Variants in MYO3B observed in about 807,000 individuals in gnomAD.
MYO3B encodes myosin IIIB.
A neutral mutation model predicts 174.6 loss-of-function variants in MYO3B; 156 were observed. That is an observed-to-expected ratio of 0.89 (90% confidence interval 0.78 to 1.02). The LOEUF (loss-of-function observed/expected upper bound fraction) is 1.02, where lower values mean the gene tolerates loss of function less well. Among genes scored for constraint, MYO3B ranks in the 50% least tolerant of loss-of-function variants. The probability of loss-of-function intolerance (pLI) is 0.00; values close to 1 mark genes in which losing one functional copy is unlikely to be tolerated. For synonymous variants in MYO3B, 563 were observed against 569.1 expected (o/e 0.99, Z 0.15); for missense variants, 1,632 against 1,639.4 (o/e 1.00, Z 0.08).
At chr2:170,242,399 C>T (rs2093144015) in intron 7 of MYO3B, among the ~76,000 whole-genome samples, 2 of 152,122 alleles carry the variant, frequency 1.3e-5, no homozygotes, top group Non-Finnish European at 2.9e-5. Flanking sequence ...ATCTTCTGGG[C>T]CCAGGACTTG....
chr2:170,234,127 C>T (rs1372975755), intron 6 of MYO3B, among the ~76,000 whole-genome samples: 3 of 129,552 alleles, frequency 2.3e-5, no homozygotes, highest in Admixed American at 9.3e-5. Flanking sequence ...GCCGAGATCC[C>T]GCCACTGCAC....
At chr2:170,405,083 A>AAGATCG (rs1558968905) in intron 20 of MYO3B, among the ~76,000 whole-genome samples, 3 of 152,196 alleles carry the variant, frequency 2.0e-5, no homozygotes, top group East Asian at 1.9e-4. Context: ...CCACAATAGC[A>AAGATCG]AAGATCGTGT....
chr2:170,538,584 C>T (rs959386552), intron 30 of MYO3B, among the ~76,000 whole-genome samples: 14 of 152,210 alleles, frequency 9.2e-5, no homozygotes, highest in Non-Finnish European at 1.5e-4. Flanking sequence ...CACCTTGCCC[C>T]TCATCCACTC....
At chr2:170,284,050 C>G (rs1009351170) in intron 7 of MYO3B, among the ~76,000 whole-genome samples, 9 of 152,184 alleles carry the variant, frequency 5.9e-5, no homozygotes, top group African/African-American at 2.2e-4. Flanking sequence ...AAGTAGAACT[C>G]CATGGAACAA....
intron 8 of MYO3B, among the ~76,000 whole-genome samples, chr2:170,360,859 C>G (rs1262867133): frequency 6.6e-6 from 1 of 152,208 alleles, no homozygotes; most frequent in Non-Finnish European, 1.5e-5. Flanking sequence ...GAGAGCAGCC[C>G]TCACCAGACA....
Position 170,288,351 on chromosome 2 carries a change from C to T in MYO3B, c.750-47034C>T, listed in dbSNP as rs183634666. Among the ~76,000 whole-genome samples the T allele has an allele frequency of 2.0e-3, 309 of 151,996 alleles. 2 individuals carry two copies. Among genetic ancestry groups the T allele is most frequent in the African/African-American group, 7.4e-3 (305 of 41,492 alleles). On this transcript the variant is annotated intron_variant, in intron 7 of 34. Coordinates refer to ENST00000408978, the MANE Select transcript of MYO3B (RefSeq NM_138995.5). ...TTTGACAATATTAATTATTCCAATC[C>T]ATGAGCAGGGAGTATCTTTCCATGT...
chr2:170,308,139 C>G (rs2093713215), intron 7 of MYO3B, among the ~76,000 whole-genome samples: 1 of 152,154 alleles, frequency 6.6e-6, no homozygotes, highest in Non-Finnish European at 1.5e-5. Context: ...TGATCTATTT[C>G]CAGCCTTTTG....
At chr2:170,456,334 T>TG (rs745478437) in intron 23 of MYO3B, among the ~76,000 whole-genome samples, 42 of 152,292 alleles carry the variant, frequency 2.8e-4, no homozygotes, top group Admixed American at 6.5e-4. Context: ...GTTTAGTTAA[T>TG]GAAAAACTCA....
At chr2:170,318,868 G>A (rs1049098775) in intron 7 of MYO3B, among the ~76,000 whole-genome samples, 5 of 152,154 alleles carry the variant, frequency 3.3e-5, no homozygotes, top group Non-Finnish European at 7.4e-5. Context: ...CTTAGTATTA[G>A]CCCTAGTGGT....
intron 7 of MYO3B, among the ~76,000 whole-genome samples, chr2:170,302,961 A>T (rs1199557809): frequency 3.9e-5 from 6 of 152,150 alleles, no homozygotes; most frequent in Non-Finnish European, 5.9e-5. Context: ...TTTATTGAGC[A>T]GTTATCTTTT....
chr2:170,600,503 T>C (rs777162879), intron 32 of MYO3B, among the ~76,000 whole-genome samples: 13 of 152,194 alleles, frequency 8.5e-5, no homozygotes, highest in Non-Finnish European at 1.8e-4. Flanking sequence ...CTTGGATTTA[T>C]AAAGGGGCAA....
intron 32 of MYO3B, among the ~76,000 whole-genome samples, chr2:170,589,962 A>G (rs1409420828): frequency 1.3e-5 from 2 of 152,206 alleles, no homozygotes; most frequent in Non-Finnish European, 2.9e-5. Context: ...ATACACAAAT[A>G]CCATCGTATT....
intron 22 of MYO3B, among the ~76,000 whole-genome samples, chr2:170,428,545 T>G (rs2094683719): frequency 6.6e-6 from 1 of 152,238 alleles, no homozygotes; most frequent in Admixed American, 6.5e-5. Context: ...GTTGTTGATT[T>G]TTGAACAATA....
chr2:170,541,692 A>G (rs1690116969), intron 30 of MYO3B, among the ~76,000 whole-genome samples: 1 of 152,174 alleles, frequency 6.6e-6, no homozygotes, highest in Admixed American at 6.5e-5. Context: ...TTATTTATTC[A>G]AATGGTCAAT....
intron 16 of MYO3B, 105 bp from the exon 17 acceptor site, chr2:170,400,083 G>C: frequency 6.9e-7 from 1 of 1,444,398 alleles, no homozygotes; most frequent in Non-Finnish European, 9.5e-7. Flanking sequence ...GGAAAAGAGG[G>C]AGAATGGACT....
intron 1 of MYO3B, among the ~76,000 whole-genome samples, chr2:170,194,821 G>A (rs918632656): frequency 2.0e-5 from 3 of 152,200 alleles, no homozygotes; most frequent in Non-Finnish European, 4.4e-5. Context: ...AAGTAGGGAA[G>A]CTGACAGTGC....
intron 30 of MYO3B, among the ~76,000 whole-genome samples, chr2:170,529,119 T>G (rs1043318957): frequency 1.3e-5 from 2 of 152,212 alleles, no homozygotes; most frequent in Non-Finnish European, 1.5e-5. Context: ...TTTAGCATGA[T>G]AATGCCTCTA....
At chr2:170,226,286 C>T (rs2092951148) in intron 6 of MYO3B, among the ~76,000 whole-genome samples, 1 of 152,208 alleles carries the variant, frequency 6.6e-6, no homozygotes, top group South Asian at 2.1e-4. Flanking sequence ...AAAGACCTGC[C>T]TACCTTCTCC....
intron 3 of MYO3B, among the ~76,000 whole-genome samples, chr2:170,204,961 G>T (rs1440017711): frequency 5.3e-5 from 8 of 152,028 alleles, no homozygotes. Context: ...TTATATCCAA[G>T]TGCCCAGTCT....
Sources: allele counts gnomAD v4.1 joint callset (sites outside exome capture counted in the v4.1 genomes callset), GRCh38; gene constraint gnomAD v4.1.1; transcripts MANE v1.5; gene names NCBI Gene and HGNC (gene_info 2026-07-23, HGNC 2026-07-21).